Variants in TFAP2A observed in about 807,000 individuals in gnomAD.
TFAP2A encodes the protein transcription factor AP-2 alpha, also known as transcription factor AP-2-alpha.
In TFAP2A, 7 loss-of-function variants were observed where a neutral mutation model predicts 41.5. The observed-to-expected ratio is 0.17, with a 90% CI of 0.10 to 0.32. The LOEUF is 0.32. Among genes scored for constraint, TFAP2A ranks in the 10% least tolerant of loss-of-function variants. TFAP2A has a pLI of 1.00. For synonymous variants in TFAP2A, 247 were observed against 242.8 expected, an observed-to-expected ratio of 1.02 and a Z score of -0.16; for missense variants, 416 against 563.3, an observed-to-expected ratio of 0.74 and a Z score of 2.65.
At chr6:10,411,633 A>G (rs752020977) in intron 1 of TFAP2A, 1 of 1,613,570 alleles carries the variant, frequency 6.2e-7, no homozygotes, top group Non-Finnish European at 8.5e-7. Context: ...AGGGTGGAAA[A>G]AAACAAGCAA....
chr6:10,404,287 C>T (rs1757577928), intron 4 of TFAP2A, among the ~76,000 whole-genome samples: 1 of 152,200 alleles, frequency 6.6e-6, no homozygotes, highest in African/African-American at 2.4e-5. Context: ...AACTCGCTCG[C>T]GGGAAAGCAG....
At chr6:10,407,979 A>G (rs1025289679) in intron 2 of TFAP2A, 1 of 152,230 alleles carries the variant, frequency 6.6e-6, no homozygotes, top group Non-Finnish European at 1.5e-5. Context: ...GGGAAATATG[A>G]TCCCTTTATG....
intron 1 of TFAP2A, chr6:10,412,938 G>A (rs2113219384): frequency 6.5e-6 from 1 of 152,908 alleles, no homozygotes; most frequent in Admixed American, 6.5e-5. Flanking sequence ...CGGGAGCCGG[G>A]ATGCGGGCCG....
chr6:10,412,753 G>A, intron 1 of TFAP2A: 1 of 247,116 alleles, frequency 4.0e-6, no homozygotes, highest in Non-Finnish European at 8.2e-6. Context: ...CTCGGGACTC[G>A]GCTGCCCGCT....
chr6:10,415,111 A>G, upstream of TFAP2A: 2 of 1,565,664 alleles, frequency 1.3e-6, no homozygotes, highest in Non-Finnish European at 1.7e-6. Context: ...GAGGGAGAGG[A>G]GGTGGAGGAG....
chr6:10,410,348 G>A lies in TFAP2A; in HGVS notation c.52-13C>T, dbSNP rs1346165045. ...CGTCGTGACGGTCCTAGAAGAGAGC[G>A]AGAGGAAAGGTAAAGAACAAGGAAT... is the stretch of plus-strand genomic sequence containing the variant. On this transcript the variant is annotated splice_polypyrimidine_tract_variant and intron_variant, in intron 1 of 6. Coordinates refer to ENST00000379613, the MANE Select transcript of TFAP2A (RefSeq NM_001372066.1). 6.2e-7 allele frequency: 1 copy of A among 1,603,434 alleles called. No homozygotes were observed. The highest frequency in any genetic ancestry group is 8.5e-7 in the Non-Finnish European group (1 of 1,175,528).
Position 10,401,253 on chromosome 6 carries a change from A to G in TFAP2A, c.890-664T>C, listed in dbSNP as rs185654604. On this transcript the variant is annotated intron_variant, in intron 5 of 6. Coordinates refer to ENST00000379613, the MANE Select transcript of TFAP2A (RefSeq NM_001372066.1). ...ATCACAAACAATAACAGTTCTCCAG[A>G]AACTGCCTCCCTGCTACAGAACTCA... Among the ~76,000 whole-genome samples, 19 of 152,346 alleles carry G rather than the reference A, an allele frequency of 1.2e-4. No individual in the cohort carries two copies. The East Asian group carries it at 3.7e-3, about 29-fold the overall frequency.
At chr6:10,418,135 C>T (rs1247379211), upstream of TFAP2A, 1 of 152,148 alleles carries the variant, frequency 6.6e-6, no homozygotes. Context: ...CCTTAAACCA[C>T]GAGGTTTGTC....
Position 10,398,798 on chromosome 6 carries a change from C to G in TFAP2A, c.1032-93G>C. On this transcript the variant is annotated intron_variant, in intron 6 of 6. Coordinates refer to ENST00000379613, the MANE Select transcript of TFAP2A (RefSeq NM_001372066.1). The surrounding 1 kb of genome is among the most constrained non-coding windows in gnomAD (Gnocchi z 5.3). ...AAAACCTCCCTCCCTGCAGCTACCT[C>G]TGCCGGGATCCAGCCGGTACCTGAC... 1 of 1,467,148 alleles carries G rather than the reference C, an allele frequency of 6.8e-7. No individual in the cohort carries two copies. The highest frequency in any genetic ancestry group is 2.3e-5 in the East Asian group (1 of 42,698). The allele number at this position is 1,467,148 out of a possible 1,614,324, so 90.9% of individuals were successfully genotyped here.
chr6:10,409,356 C>T (rs749444385), intron 2 of TFAP2A: 15 of 154,098 alleles, frequency 9.7e-5, no homozygotes, highest in Non-Finnish European at 2.0e-4. Flanking sequence ...TAATGTCCCT[C>T]TGCTTGGATT....
chr6:10,416,665 G>T (rs1243124475), upstream of TFAP2A, among the ~76,000 whole-genome samples: 1 of 152,106 alleles, frequency 6.6e-6, no homozygotes. Flanking sequence ...TTTCCACCGG[G>T]CGTTCCTAAA....
chr6:10,407,964 A>G (rs994215669), intron 2 of TFAP2A: 4 of 152,236 alleles, frequency 2.6e-5, no homozygotes, highest in Admixed American at 1.3e-4. Flanking sequence ...TGTTTTAACT[A>G]TATGGGGAAA....
Position 10,414,640 on chromosome 6 carries a change from T to C in TFAP2A, c.51+301A>G, listed in dbSNP as rs900015376. The C allele has an allele frequency of 1.6e-4, 90 of 552,560 alleles. No homozygotes were observed. The South Asian group carries it at 1.8e-3, about 11-fold the overall frequency. 34.2% of individuals were successfully genotyped at this position (552,560 alleles called of 1,614,324 possible). ...CAGGCAAGTGCCCAGTTGCCAGCAA[T>C]TGCTTCAAAAGCCCATGTTCTTCTT... On this transcript the variant is annotated intron_variant, in intron 1 of 6. Coordinates refer to ENST00000379613, the MANE Select transcript of TFAP2A (RefSeq NM_001372066.1).
At chr6:10,415,149 AAGGAGGAGG>A, upstream of TFAP2A, 2 of 1,511,694 alleles carry the variant, frequency 1.3e-6, no homozygotes, top group South Asian at 1.2e-5. Context: ...GGAGGAGGGC[AAGGAGGAGG>A]AGGAGGAAGA....
At chr6:10,409,644 A>G (rs1561713024) in intron 2 of TFAP2A, 2 of 520,578 alleles carry the variant, frequency 3.8e-6, no homozygotes, top group Admixed American at 3.4e-5. Flanking sequence ...CATTCGTCTG[A>G]TTTATCTGTG....
chr6:10,402,883 CACAA>C, intron 4 of TFAP2A, among the ~76,000 whole-genome samples: 1 of 152,166 alleles, frequency 6.6e-6, no homozygotes, highest in East Asian at 1.9e-4. Flanking sequence ...AAAGAAGAAC[CACAA>C]ACAAACACAG....
At position 10,415,037 on chromosome 6, in the gene TFAP2A, G is replaced by A. The variant is rs1758186153; in HGVS notation, c.-46C>T. On this transcript the variant is annotated 5_prime_UTR_variant, in exon 1 of 7. Transcript: ENST00000379613. ...GCCCCTCTCGGTCTCGCACCCAAGT[G>A]GAGCTACTCTCTGGGTGAGCGCAAA... The A allele has an allele frequency of 3.7e-6, 6 of 1,613,996 alleles. No homozygotes were observed. The East Asian group carries it at 6.7e-5, about 18-fold the overall frequency.
intron 2 of TFAP2A, among the ~76,000 whole-genome samples, chr6:10,408,769 A>G (rs967165314): frequency 2.0e-5 from 3 of 152,210 alleles, no homozygotes; most frequent in African/African-American, 7.2e-5. Flanking sequence ...TAAATTTTCT[A>G]TTTTCCTACG....
chr6:10,402,060 C>G (rs1342539094), intron 5 of TFAP2A: 1 of 344,912 alleles, frequency 2.9e-6, no homozygotes, highest in Non-Finnish European at 5.7e-6. Flanking sequence ...TGAAAGGGCA[C>G]ATAACCCTGA....
Sources: gnomAD v4.1 joint callset for allele counts (sites outside exome capture counted in the v4.1 genomes callset) on GRCh38, gnomAD v4.1.1 for gene constraint, Gnocchi (gnomAD v3.1) non-coding constraint, MANE v1.5 for transcripts, NCBI Gene and HGNC (gene_info 2026-07-23, HGNC 2026-07-21) for gene names.